LRRC4C: variants seen among roughly 807,000 people sequenced by gnomAD.
LRRC4C encodes the protein leucine-rich repeat-containing protein 4C.
In LRRC4C, 5 loss-of-function variants were observed where a neutral mutation model predicts 33.6. The observed-to-expected ratio is 0.15, with a 90% confidence interval of 0.08 to 0.31. The LOEUF (loss-of-function observed/expected upper bound fraction) is 0.31. Ranked by LOEUF, LRRC4C falls within the 10% of genes least tolerant of loss-of-function variation. The pLI is 1.00. For missense variants in LRRC4C, 560 were observed against 796.7 expected, an observed-to-expected ratio of 0.70 and a Z score of 3.58; for synonymous variants, 329 against 302.0, an observed-to-expected ratio of 1.09 and a Z score of -0.93.
In LRRC4C at chr11:40,620,353, T is replaced by C. The variant is rs139625483; in HGVS notation, c.-270+27789A>G. Among the ~76,000 whole-genome samples, 219 of 151,904 alleles carry C rather than the reference T, an allele frequency of 1.4e-3. 1 individual carries two copies. The highest frequency in any genetic ancestry group is 5.1e-3 in the African/African-American group (213 of 41,488). The stretch of plus-strand genomic sequence containing the variant: ...AAACAGAACAAGGAGTCTTGGGCTC[T>C]CTTATGCTTTCTTTCTGCTCAACAG... On this transcript the variant is annotated intron_variant, in intron 3 of 6. Transcript: ENST00000528697.
At chr11:40,944,338 T>C (rs1183690008) in intron 1 of LRRC4C, among the ~76,000 whole-genome samples, 2 of 152,178 alleles carry the variant, frequency 1.3e-5, no homozygotes, top group African/African-American at 4.8e-5. Context: ...GTGTTTTTCA[T>C]GAATAATTTT....
At chr11:41,037,109 G>T (rs528068556) in intron 1 of LRRC4C, among the ~76,000 whole-genome samples, 1 of 151,742 alleles carries the variant, frequency 6.6e-6, no homozygotes, top group African/African-American at 2.4e-5. Context: ...CCTTACGCAG[G>T]CTGGGCCATC....
At position 40,245,276 on chromosome 11, in the gene LRRC4C, C is replaced by T. The variant is rs181380968; in HGVS notation, c.-175-3678G>A. 3.4e-3 allele frequency among the ~76,000 whole-genome samples: 516 copies of T among 152,198 alleles called. 1 individual carries two copies. The highest frequency in any genetic ancestry group is 6.8e-3 in the Middle Eastern group (2 of 292). The stretch of plus-strand genomic sequence containing the variant: ...ACTCTGTACATTTTATTTAAAAACT[C>T]TCTTAGATTTTACTCTATTATTTGC... On this transcript the variant is annotated intron_variant, in intron 4 of 6. Transcript: ENST00000528697.
At chr11:40,800,486 CT>C (rs1361716632) in intron 2 of LRRC4C, among the ~76,000 whole-genome samples, 1 of 152,148 alleles carries the variant, frequency 6.6e-6, no homozygotes, top group Non-Finnish European at 1.5e-5. Flanking sequence ...CCGAAGTTAC[CT>C]TTTTAAAATT....
At position 40,266,700 on chromosome 11, in the gene LRRC4C, A is replaced by T. The variant is rs768160974; in HGVS notation, c.-175-25102T>A. The stretch of plus-strand genomic sequence containing the variant: ...ATCTTCGGCATGGGTATCTTAGGAA[A>T]TCCTGACAACTCTCTAAGGCTGGTT... On this transcript the variant is annotated intron_variant, in intron 4 of 6. Transcript: ENST00000528697. Among the ~76,000 whole-genome samples, 49 of 152,192 alleles carry T rather than the reference A, an allele frequency of 3.2e-4. 1 individual carries two copies. The highest frequency in any genetic ancestry group is 5.6e-4 in the Non-Finnish European group (38 of 68,034).
At chr11:40,867,188 A>C (rs1041896745) in intron 2 of LRRC4C, among the ~76,000 whole-genome samples, 2 of 152,178 alleles carry the variant, frequency 1.3e-5, no homozygotes, top group Non-Finnish European at 2.9e-5. Context: ...TCACCAACAC[A>C]ACCCTGTTTT....
intron 1 of LRRC4C, among the ~76,000 whole-genome samples, chr11:41,393,576 T>C (rs923822416): frequency 1.3e-5 from 2 of 151,820 alleles, no homozygotes; most frequent in African/African-American, 4.8e-5. Context: ...AACATAATTT[T>C]GTAACCTGCA....
intron 1 of LRRC4C, among the ~76,000 whole-genome samples, chr11:40,978,811 T>G (rs1377833209): frequency 6.6e-6 from 1 of 151,868 alleles, no homozygotes; most frequent in Admixed American, 6.6e-5. Flanking sequence ...TTTGTATTTT[T>G]AGTAGAGATG....
chr11:41,030,742 A>C (rs10768659), intron 1 of LRRC4C, among the ~76,000 whole-genome samples: 20,944 of 151,710 alleles, frequency 0.14, 1,549 homozygotes, highest in Middle Eastern at 0.21. Context: ...ACAAAACCAA[A>C]ATCAGAATAT....
chr11:40,715,332 A>G (rs956527560), intron 2 of LRRC4C, among the ~76,000 whole-genome samples: 2 of 152,240 alleles, frequency 1.3e-5, no homozygotes, highest in African/African-American at 4.8e-5. Context: ...CAAATTCATA[A>G]AGACAATAAA....
chr11:41,449,048 G>T (rs1955931331), intron 1 of LRRC4C, among the ~76,000 whole-genome samples: 1 of 152,168 alleles, frequency 6.6e-6, no homozygotes, highest in Non-Finnish European at 1.5e-5. Context: ...ATTATGCAAA[G>T]GTAGTCTCTA....
chr11:40,918,378 A>ATATATT (rs201853977), intron 2 of LRRC4C, among the ~76,000 whole-genome samples: 36 of 141,874 alleles, frequency 2.5e-4, no homozygotes, highest in African/African-American at 7.4e-4. Context: ...ATGCATATTT[A>ATATATT]TATATTTATA....
rs1224651458 is a variant in LRRC4C at position 40,813,861 on chromosome 11, A to G, written c.-407+119774T>C. 3.3e-5 allele frequency among the ~76,000 whole-genome samples: 5 copies of G among 152,180 alleles called. No homozygotes were observed. In the East Asian group the frequency reaches 9.7e-4, roughly 29 times the overall value. On this transcript the variant is annotated intron_variant, in intron 2 of 6. Coordinates refer to ENST00000528697, the MANE Select transcript of LRRC4C (RefSeq NM_001258419.2). ...TTAAACCTTAATAATGTTCCAAATA[A>G]TTGGACAGTTCCAAAATAATCTGCT... is the stretch of plus-strand genomic sequence containing the variant.
chr11:41,045,170 T>C (rs558699280), intron 1 of LRRC4C, among the ~76,000 whole-genome samples: 7 of 151,638 alleles, frequency 4.6e-5, no homozygotes, highest in African/African-American at 1.5e-4. Context: ...AAAGAATATT[T>C]CTCCTTAATT....
intron 2 of LRRC4C, among the ~76,000 whole-genome samples, chr11:40,711,713 T>C (rs1362044355): frequency 7.2e-6 from 1 of 138,992 alleles, no homozygotes; most frequent in African/African-American, 2.6e-5. Context: ...ATTTGTAGAT[T>C]CAGAGTTAGA....
chr11:41,136,960 C>T (rs1325184364), intron 1 of LRRC4C, among the ~76,000 whole-genome samples: 2 of 152,092 alleles, frequency 1.3e-5, no homozygotes, highest in Admixed American at 6.6e-5. Flanking sequence ...TTAAAAGTGC[C>T]CTTTAGGCTG....
rs185337791 is a variant in LRRC4C at position 41,351,817 on chromosome 11, G to C, written c.-496+107614C>G. On this transcript the variant is annotated intron_variant, in intron 1 of 6. Transcript: ENST00000528697. ...CAAAGGTGAAATAAAATATTTTTCA[G>C]ACTTTCACTAAGAGAGTTTGTTACC... is the stretch of plus-strand genomic sequence containing the variant. 9.5e-4 allele frequency among the ~76,000 whole-genome samples: 145 copies of C among 152,266 alleles called. 1 individual carries two copies. The highest frequency in any genetic ancestry group is 5.3e-4 in the Non-Finnish European group (36 of 68,018).
intron 1 of LRRC4C, among the ~76,000 whole-genome samples, chr11:41,337,429 G>A (rs971348308): frequency 1.6e-5 from 2 of 125,030 alleles, no homozygotes; most frequent in Non-Finnish European, 3.8e-5. Flanking sequence ...ACAAAAACAA[G>A]CAATGTAGAA....
intron 1 of LRRC4C, among the ~76,000 whole-genome samples, chr11:41,314,808 A>G (rs73486022): frequency 0.12 from 17,651 of 152,182 alleles, 1,151 homozygotes; most frequent in South Asian, 0.21. Context: ...AATAAAAAAA[A>G]AACTATAAGT....
Sources: gnomAD v4.1 joint callset for allele counts (sites outside exome capture counted in the v4.1 genomes callset) on GRCh38, gnomAD v4.1.1 for gene constraint, MANE v1.5 for transcripts, NCBI Gene and HGNC (gene_info 2026-07-23, HGNC 2026-07-21) for gene names.